The following MGAT4A variants were observed in gnomAD, a reference collection of about 807,000 sequenced individuals.
MGAT4A encodes alpha-1,3-mannosyl-glycoprotein 4-beta-N-acetylglucosaminyltransferase A.
Under a neutral mutation model 74.1 loss-of-function variants are expected in MGAT4A, and 33 were observed. The ratio of observed to expected loss-of-function variants is 0.45; its 90% CI spans 0.34 to 0.60. The LOEUF is 0.60. Ranked by LOEUF, MGAT4A falls within the 20% of genes least tolerant of loss-of-function variation. The probability of loss-of-function intolerance (pLI) is 0.02; values close to 1 mark genes in which losing one functional copy is unlikely to be tolerated. For missense variants in MGAT4A, 479 were observed against 628.3 expected, an observed-to-expected ratio of 0.76 and a Z score of 2.54; for synonymous variants, 198 against 210.4, an observed-to-expected ratio of 0.94 and a Z score of 0.51.
At chr2:98,726,609 C>T (rs142721008) in intron 1 of MGAT4A, 42 bp from the exon 2 acceptor site, 107 of 388,772 alleles carry the variant, frequency 2.8e-4, no homozygotes, top group African/African-American at 2.1e-3. Flanking sequence ...TTCGGTAATG[C>T]AAAATGTAAG....
Position 98,619,436 on chromosome 2 carries a change from G to C in MGAT4A, c.*6130C>G, listed in dbSNP as rs190363467. 2 of 152,092 alleles carry C rather than the reference G, an allele frequency of 1.3e-5. No individual in the cohort carries two copies. Among genetic ancestry groups the C allele is most frequent in the African/African-American group, 4.8e-5 (2 of 41,510 alleles). 9.4% of individuals were successfully genotyped at this position (152,092 alleles called of 1,614,324 possible). On this transcript the variant is annotated 3_prime_UTR_variant, in exon 16 of 16. Coordinates refer to ENST00000393487, the MANE Select transcript of MGAT4A (RefSeq NM_012214.3). Reference sequence around the variant, plus strand: ...AGATTCCTCAGGCAGCTTCTCTAAGGGATGCTTCCAGAAACATCCCCTAAT... The same window carrying C: ...AGATTCCTCAGGCAGCTTCTCTAAGCGATGCTTCCAGAAACATCCCCTAAT...
intron 6 of MGAT4A, among the ~76,000 whole-genome samples, chr2:98,657,988 T>C (rs1427418325): frequency 6.6e-6 from 1 of 152,210 alleles, no homozygotes. Flanking sequence ...GTTACATACA[T>C]AGGACATTCA....
At chr2:98,669,977 C>T (rs758310961) in intron 4 of MGAT4A, among the ~76,000 whole-genome samples, 8 of 152,090 alleles carry the variant, frequency 5.3e-5, no homozygotes, top group Non-Finnish European at 7.4e-5. Flanking sequence ...TTGGTGGACA[C>T]GTACTATGAG....
At chr2:98,670,481 T>A (rs1334958194) in intron 4 of MGAT4A, among the ~76,000 whole-genome samples, 2 of 152,224 alleles carry the variant, frequency 1.3e-5, no homozygotes, top group Non-Finnish European at 2.9e-5. Context: ...GTTTTCAAAT[T>A]CTAGTTCGTA....
chr2:98,635,083 A>G (rs1463679875), intron 14 of MGAT4A, 139 bp downstream of exon 14: 6 of 615,770 alleles, frequency 9.7e-6, no homozygotes, highest in Non-Finnish European at 1.7e-5. Context: ...AAAAGCAAGT[A>G]CTACAACACA....
At chr2:98,697,266 T>C (rs189121576) in intron 2 of MGAT4A, among the ~76,000 whole-genome samples, 2 of 152,158 alleles carry the variant, frequency 1.3e-5, no homozygotes, top group Non-Finnish European at 2.9e-5. Context: ...ATAGGCCTCA[T>C]GGGCGTCACG....
intron 2 of MGAT4A, among the ~76,000 whole-genome samples, chr2:98,681,266 C>CCA (rs1393291360): frequency 6.6e-6 from 1 of 152,176 alleles, no homozygotes; most frequent in African/African-American, 2.4e-5. Context: ...CAGACGTGAG[C>CCA]CACCGCACCT....
intron 1 of MGAT4A, 127 bp downstream of exon 1, chr2:98,730,921 G>A (rs1702845213): frequency 6.8e-6 from 1 of 147,062 alleles, no homozygotes; most frequent in African/African-American, 2.5e-5. Context: ...CCAGCAGGTG[G>A]ATCTCCCGCA....
In MGAT4A at chr2:98,678,335, A is replaced by T; in HGVS notation, c.231T>A (p.Asn77Lys). The change falls in exon 3 of 16, where the codon AAT becomes AAA. Residue 77 changes from asparagine to lysine, a missense_variant. Asn to Lys is a moderately conservative substitution (Grantham distance 94). Around this residue, in one of 3 missense-constraint regions of MGAT4A, gnomAD observed 205 missense variants for 232.7 expected, o/e 0.88. Coordinates refer to ENST00000393487, the MANE Select transcript of MGAT4A (RefSeq NM_012214.3). ...ACTTATTCAACGCATCCTTACTTCC[A>T]TTTGTTTCTGCTCCTACACGCTTGA... ...QQFKRVGAET[N>K]GSKDALNKFS... The T allele has an allele frequency of 1.4e-6, 2 of 1,444,226 alleles. No homozygotes were observed. The highest frequency in any genetic ancestry group is 1.8e-6 in the Non-Finnish European group (2 of 1,086,392). The allele number at this position is 1,444,226 out of a possible 1,614,324, so 89.5% of individuals were successfully genotyped here.
intron 14 of MGAT4A, among the ~76,000 whole-genome samples, chr2:98,629,104 A>T (rs1469868443): frequency 3.3e-5 from 5 of 152,230 alleles, no homozygotes; most frequent in Admixed American, 6.5e-5. Flanking sequence ...ATGACTTTTT[A>T]AAAAATGTTC....
chr2:98,730,564 C>T (rs1702836457), intron 1 of MGAT4A, among the ~76,000 whole-genome samples: 1 of 151,698 alleles, frequency 6.6e-6, no homozygotes, highest in Non-Finnish European at 1.5e-5. Context: ...CCCGCGGCCC[C>T]CGCGAAAGCG....
chr2:98,668,966 C>G (rs558763735), intron 4 of MGAT4A, among the ~76,000 whole-genome samples: 24 of 152,340 alleles, frequency 1.6e-4, no homozygotes, highest in African/African-American at 4.8e-4. Context: ...GCCCGTACCC[C>G]CATTGTACCT....
chr2:98,635,626 G>A (rs1701307352), intron 13 of MGAT4A, among the ~76,000 whole-genome samples: 1 of 152,076 alleles, frequency 6.6e-6, no homozygotes, highest in South Asian at 2.1e-4. Flanking sequence ...ATTAAATTGT[G>A]TATTAATTAA....
intron 2 of MGAT4A, 66 bp from the exon 3 acceptor site, chr2:98,678,537 G>C: frequency 9.2e-7 from 1 of 1,087,440 alleles, no homozygotes; most frequent in Non-Finnish European, 1.2e-6. Flanking sequence ...AATCTCAATG[G>C]AACTGTAAAA....
intron 4 of MGAT4A, among the ~76,000 whole-genome samples, chr2:98,663,974 C>G (rs2104272481): frequency 6.6e-6 from 1 of 152,060 alleles, no homozygotes; most frequent in African/African-American, 2.4e-5. Context: ...TTGGGAGGTA[C>G]AGGTGGTACA....
intron 4 of MGAT4A, among the ~76,000 whole-genome samples, chr2:98,665,333 C>CAAAAAAAA (rs3067257): frequency 8.7e-6 from 1 of 114,892 alleles, no homozygotes; most frequent in African/African-American, 3.6e-5. Context: ...CATCTCATCT[C>CAAAAAAAA]AAAAAAAAAA....
chr2:98,698,217 C>G (rs1397730475), intron 2 of MGAT4A, among the ~76,000 whole-genome samples: 1 of 152,094 alleles, frequency 6.6e-6, no homozygotes, highest in East Asian at 1.9e-4. Context: ...AGTTTCAAGA[C>G]CAGCCTGGCC....
At chr2:98,683,595 T>G (rs1702091831) in intron 2 of MGAT4A, among the ~76,000 whole-genome samples, 1 of 152,104 alleles carries the variant, frequency 6.6e-6, no homozygotes, top group African/African-American at 2.4e-5. Context: ...GGAGATTGAA[T>G]GGCAGATATA....
In MGAT4A at chr2:98,622,424, C is replaced by T. The variant is rs918418443; in HGVS notation, c.*3142G>A. The T allele has an allele frequency of 4.1e-6, 4 of 985,182 alleles. No individual in the cohort carries two copies. The African/African-American group carries it at 7.0e-5, about 17-fold the overall frequency. The allele number at this position is 985,182 out of a possible 1,614,324, so 61.0% of individuals were successfully genotyped here. ...TATTTAAACAGCCCCCATGTGTCTA[C>T]TGGCTATATGTGTTTTTAAAACTAG... On this transcript the variant is annotated 3_prime_UTR_variant, in exon 16 of 16. Coordinates refer to ENST00000393487, the MANE Select transcript of MGAT4A (RefSeq NM_012214.3).
Sources: allele counts gnomAD v4.1 joint callset (sites outside exome capture counted in the v4.1 genomes callset), GRCh38; gene constraint gnomAD v4.1.1; regional missense constraint gnomAD v4.1.1; transcripts MANE v1.5; gene names NCBI Gene and HGNC (gene_info 2026-07-23, HGNC 2026-07-21).